Variants in KIF6 observed in about 807,000 individuals in gnomAD.
The protein encoded by KIF6 is kinesin family member 6.
A neutral mutation model predicts 112.7 loss-of-function variants in KIF6; 106 were observed. The ratio of observed to expected loss-of-function variants is 0.94; its 90% CI spans 0.80 to 1.11. The LOEUF (loss-of-function observed/expected upper bound fraction) is 1.11, where lower values mean the gene tolerates loss of function less well. Among genes scored for constraint, KIF6 ranks in the 50% least tolerant of loss-of-function variants. KIF6 has a pLI of 0.00. For missense variants in KIF6, 929 were observed against 964.0 expected (o/e 0.96, Z 0.48); for synonymous variants, 339 against 339.9 (o/e 1.00, Z 0.03).
intron 16 of KIF6, among the ~76,000 whole-genome samples, chr6:39,381,838 C>A (rs1450759466): frequency 6.6e-6 from 1 of 152,210 alleles, no homozygotes; most frequent in African/African-American, 2.4e-5. Context: ...AGCCAAAGTG[C>A]TTTCTGTTTG....
chr6:39,577,055 A>C (rs7769800), intron 10 of KIF6, among the ~76,000 whole-genome samples: 40,028 of 152,146 alleles, frequency 0.26, 5,591 homozygotes, highest in South Asian at 0.41. Context: ...CTTTTTTTAA[A>C]GTGAATTTTT....
At chr6:39,399,332 T>C (rs1768512634) in intron 15 of KIF6, among the ~76,000 whole-genome samples, 1 of 152,140 alleles carries the variant, frequency 6.6e-6, no homozygotes, top group Admixed American at 6.5e-5. Flanking sequence ...CCACCTCACA[T>C]GTGAATGGAG....
chr6:39,365,977 C>T (rs745848188), intron 16 of KIF6, among the ~76,000 whole-genome samples: 4 of 152,338 alleles, frequency 2.6e-5, no homozygotes, highest in East Asian at 1.9e-4. Context: ...CCCATGTGAA[C>T]GCAGAGCCCC....
At chr6:39,717,204 T>C (rs887822353) in intron 2 of KIF6, among the ~76,000 whole-genome samples, 11 of 152,136 alleles carry the variant, frequency 7.2e-5, no homozygotes, top group Admixed American at 5.9e-4. Flanking sequence ...CAATGACTTA[T>C]AAGGCTCTAA....
rs901776886 is a variant in KIF6, at chr6:39,617,826, A to G, written c.510-4508T>C. On this transcript the variant is annotated intron_variant, in intron 5 of 22. Coordinates refer to ENST00000287152, the MANE Select transcript of KIF6 (RefSeq NM_145027.6). ...TCATGACAATGGGTGGGGGTGCACC[A>G]GGCTCTTCTAAATAACTAGATATGT... 14 of 442,678 alleles carry G rather than the reference A, an allele frequency of 3.2e-5. 1 individual carries two copies. The highest frequency in any genetic ancestry group is 3.3e-4 in the Middle Eastern group (1 of 3,014). 27.4% of individuals were successfully genotyped at this position (442,678 alleles called of 1,614,324 possible).
intron 3 of KIF6, among the ~76,000 whole-genome samples, chr6:39,644,963 T>C (rs1785091391): frequency 2.0e-5 from 3 of 152,210 alleles, no homozygotes; most frequent in Admixed American, 2.0e-4. Context: ...AATGAAAAGC[T>C]AATGATACAT....
At position 39,419,557 on chromosome 6, in the gene KIF6, A is replaced by C. The variant is rs538983912; in HGVS notation, c.1810+391T>G. Among the ~76,000 whole-genome samples the C allele has an allele frequency of 4.6e-5, 7 of 152,226 alleles. No homozygotes were observed. In the South Asian group the frequency reaches 1.2e-3, roughly 27 times the overall value. On this transcript the variant is annotated intron_variant, in intron 15 of 22. Coordinates refer to ENST00000287152, the MANE Select transcript of KIF6 (RefSeq NM_145027.6). The stretch of plus-strand genomic sequence containing the variant: ...ATGCTAAAATATCATACCTGTGCCA[A>C]ATATGCTAAGCAGAAGCTTTGGGAG...
chr6:39,353,926 TGG>T, intron 19 of KIF6: 1 of 569,444 alleles, frequency 1.8e-6, no homozygotes. Flanking sequence ...CCCAGACCCA[TGG>T]GGGTGCCACT....
intron 10 of KIF6, among the ~76,000 whole-genome samples, chr6:39,570,305 G>C (rs1780573952): frequency 6.6e-6 from 1 of 152,176 alleles, no homozygotes; most frequent in Admixed American, 6.5e-5. Context: ...GTAGAGACCA[G>C]GTCTGGGGAA....
intron 5 of KIF6, among the ~76,000 whole-genome samples, chr6:39,626,039 G>A (rs551598806): frequency 3.3e-5 from 5 of 152,036 alleles, no homozygotes; most frequent in African/African-American, 1.2e-4. Context: ...AAAAAGCAGC[G>A]GGCACATGAA....
intron 13 of KIF6, among the ~76,000 whole-genome samples, chr6:39,521,657 T>G (rs1777409410): frequency 6.6e-6 from 1 of 152,158 alleles, no homozygotes; most frequent in Non-Finnish European, 1.5e-5. Flanking sequence ...GGGCAGTACC[T>G]TGGTTCCAAC....
chr6:39,645,958 C>T (rs564071456), intron 3 of KIF6, among the ~76,000 whole-genome samples: 6 of 138,926 alleles, frequency 4.3e-5, no homozygotes, highest in South Asian at 5.2e-4. Context: ...CATCACACAC[C>T]GGGGCCTGTT....
At chr6:39,601,885 T>A (rs897241442) in intron 6 of KIF6, among the ~76,000 whole-genome samples, 1 of 152,162 alleles carries the variant, frequency 6.6e-6, no homozygotes, top group African/African-American at 2.4e-5. Context: ...GTGTAAGACA[T>A]GAAGCAGTGG....
At chr6:39,458,471 A>G (rs1773286186) in intron 13 of KIF6, among the ~76,000 whole-genome samples, 2 of 148,482 alleles carry the variant, frequency 1.3e-5, no homozygotes, top group South Asian at 4.4e-4. Flanking sequence ...CAAGACAGGG[A>G]TGCCCTCTCT....
chr6:39,583,173 T>C lies in KIF6; in HGVS notation c.1077+1725A>G. 3.1e-5 allele frequency: 8 copies of C among 261,406 alleles called. No individual in the cohort carries two copies. The South Asian group carries it at 3.4e-4, about 11-fold the overall frequency. The allele number at this position is 261,406 out of a possible 1,614,324, so 16.2% of individuals were successfully genotyped here. A position where few individuals can be genotyped will look rare whatever the true frequency, so the allele number is the denominator to read the frequency against. ...AAACAAACAAACAAAAACAAAACCC[T>C]CCAATGTCTAATATGTTTATTTTCC... On this transcript the variant is annotated intron_variant, in intron 9 of 22. Transcript: ENST00000287152.
At chr6:39,454,512 A>C (rs543405917) in intron 13 of KIF6, among the ~76,000 whole-genome samples, 17 of 150,114 alleles carry the variant, frequency 1.1e-4, no homozygotes, top group Non-Finnish European at 2.4e-4. Flanking sequence ...CTTAGATATA[A>C]TAGTGATACT....
chr6:39,417,064 T>G (rs892629352), intron 15 of KIF6, among the ~76,000 whole-genome samples: 3 of 152,188 alleles, frequency 2.0e-5, no homozygotes, highest in Non-Finnish European at 4.4e-5. Context: ...CCATTTGATT[T>G]CATTTCTCCC....
intron 3 of KIF6, among the ~76,000 whole-genome samples, chr6:39,660,319 A>C (rs1786061162): frequency 6.6e-6 from 1 of 152,208 alleles, no homozygotes; most frequent in East Asian, 1.9e-4. Context: ...GTGCTGTCAC[A>C]GTTCATACGG....
intron 13 of KIF6, among the ~76,000 whole-genome samples, chr6:39,460,559 A>AAAAAAAAAAAAAAAAAAAAAAAC (rs1773412662): frequency 6.7e-6 from 1 of 149,562 alleles, no homozygotes; most frequent in Non-Finnish European, 1.5e-5. Context: ...AAAAAAAAAA[A>AAAAAAAAAAAAAAAAAAAAAAAC]AGATCTTAAA....
Sources: gnomAD v4.1 joint callset for allele counts (sites outside exome capture counted in the v4.1 genomes callset) on GRCh38, gnomAD v4.1.1 for gene constraint, MANE v1.5 for transcripts, NCBI Gene and HGNC (gene_info 2026-07-23, HGNC 2026-07-21) for gene names.